C11orf65: variants seen among roughly 807,000 people sequenced by gnomAD.
C11orf65 encodes protein MFI.
A neutral mutation model predicts 35.3 loss-of-function variants in C11orf65; 38 were observed. That is an observed-to-expected ratio of 1.08 (90% CI 0.83 to 1.41). The LOEUF (loss-of-function observed/expected upper bound fraction) is 1.41. Among genes scored for constraint, C11orf65 ranks in the 40% most tolerant of loss-of-function variants. The probability of loss-of-function intolerance (pLI) is 0.00; values close to 1 mark genes in which losing one functional copy is unlikely to be tolerated. For missense variants in C11orf65, 370 were observed against 367.1 expected (o/e 1.01, Z -0.06); for synonymous variants, 105 against 114.4 (o/e 0.92, Z 0.53).
chr11:108,423,848 A>C (rs1190118520), intron 3 of C11orf65, among the ~76,000 whole-genome samples: 3 of 152,214 alleles, frequency 2.0e-5, no homozygotes, highest in Non-Finnish European at 1.5e-5. Flanking sequence ...ACAAACAGAA[A>C]GGAATAGCAT....
chr11:108,383,274 C>T (rs2091905785), intron 8 of C11orf65, 99 bp from the exon 9 acceptor site: 1 of 1,058,556 alleles, frequency 9.4e-7, no homozygotes, highest in African/African-American at 1.6e-5. Flanking sequence ...TCCTTTTCAC[C>T]ATTCTTAAAG....
chr11:108,354,361 G>A (rs538782298), intron 2 of C11orf65, among the ~76,000 whole-genome samples: 2 of 152,238 alleles, frequency 1.3e-5, no homozygotes, highest in East Asian at 3.9e-4. Flanking sequence ...GCTCATCACT[G>A]TGCATATAGA....
chr11:108,436,778 T>G (rs1292091795), intron 2 of C11orf65, among the ~76,000 whole-genome samples: 1 of 152,174 alleles, frequency 6.6e-6, no homozygotes, highest in African/African-American at 2.4e-5. Context: ...TATTGACTTT[T>G]TAATAGAAAC....
chr11:108,441,604 G>A (rs1039512126), intron 2 of C11orf65, among the ~76,000 whole-genome samples: 2 of 152,180 alleles, frequency 1.3e-5, no homozygotes, highest in Non-Finnish European at 2.9e-5. Context: ...ATACGGCCAG[G>A]TGCCCCTCTG....
At chr11:108,463,756 CAT>C (rs2093499635) in intron 1 of C11orf65, among the ~76,000 whole-genome samples, 1 of 152,056 alleles carries the variant, frequency 6.6e-6, no homozygotes, top group Non-Finnish European at 1.5e-5. Flanking sequence ...CTCAATAAAT[CAT>C]ATTATTATAA....
chr11:108,436,594 A>G (rs1490749776), intron 2 of C11orf65, among the ~76,000 whole-genome samples: 3 of 152,244 alleles, frequency 2.0e-5, no homozygotes, highest in Non-Finnish European at 4.4e-5. Context: ...GACAAGGGGT[A>G]GACTCAGCTG....
At chr11:108,419,297 C>A (rs750612703) in intron 3 of C11orf65, among the ~76,000 whole-genome samples, 1 of 152,064 alleles carries the variant, frequency 6.6e-6, no homozygotes, top group African/African-American at 2.4e-5. Context: ...ATTCTAGGAA[C>A]GCTAAGACGA....
chr11:108,331,618 A>C, intron 3 of C11orf65: 15 of 1,411,296 alleles, frequency 1.1e-5, no homozygotes, highest in Non-Finnish European at 1.4e-5. Context: ...ACTATATATT[A>C]TATAAAGTAT....
intron 2 of C11orf65, among the ~76,000 whole-genome samples, chr11:108,460,623 T>C (rs751367879): frequency 9.9e-5 from 15 of 152,208 alleles, no homozygotes; most frequent in Non-Finnish European, 8.8e-5. Flanking sequence ...GATACTTTCA[T>C]TGATAGCCAT....
intron 2 of C11orf65, among the ~76,000 whole-genome samples, chr11:108,361,951 A>G (rs1280095119): frequency 7.1e-6 from 1 of 140,916 alleles, no homozygotes; most frequent in Non-Finnish European, 1.5e-5. Context: ...GACAAATGGG[A>G]TCTAATTAAA....
intron 2 of C11orf65, among the ~76,000 whole-genome samples, chr11:108,359,745 C>T (rs1412160342): frequency 1.3e-5 from 2 of 151,906 alleles, no homozygotes; most frequent in African/African-American, 4.8e-5. Context: ...TCTTTGAAAC[C>T]AACGAGAACA....
At chr11:108,446,491 G>C (rs2093261352) in intron 2 of C11orf65, among the ~76,000 whole-genome samples, 1 of 151,696 alleles carries the variant, frequency 6.6e-6, no homozygotes, top group Admixed American at 6.6e-5. Context: ...CATTCTTAAA[G>C]AAAAGAATTT....
In C11orf65 at chr11:108,396,636, C is replaced by T. The variant is rs192503343; in HGVS notation, c.561-3258G>A. On this transcript the variant is annotated intron_variant, in intron 6 of 8. Transcript: ENST00000393084. ...CACGAGGTCAGGAGATTGAGACCAT[C>T]CTGGCTAACACAGTGAAATTCTGTC... Among the ~76,000 whole-genome samples, 1,186 of 150,978 alleles carry T rather than the reference C, an allele frequency of 7.9e-3. 9 individuals carry two copies. The highest frequency in any genetic ancestry group is 0.024 in the African/African-American group (1,010 of 41,292).
intron 2 of C11orf65, chr11:108,365,616 T>C: frequency 7.4e-7 from 1 of 1,347,806 alleles, no homozygotes; most frequent in Non-Finnish European, 1.0e-6. Context: ...TTAAGTGAAC[T>C]ATTGTGGGTT....
At chr11:108,445,170 C>A (rs1367552518) in intron 2 of C11orf65, among the ~76,000 whole-genome samples, 4 of 152,214 alleles carry the variant, frequency 2.6e-5, no homozygotes, top group Admixed American at 2.0e-4. Flanking sequence ...TAGGCTCCAC[C>A]TCTGGGGGAA....
At chr11:108,341,188 C>A (rs888262423) in intron 2 of C11orf65, among the ~76,000 whole-genome samples, 3 of 151,988 alleles carry the variant, frequency 2.0e-5, no homozygotes, top group African/African-American at 7.2e-5. Context: ...TTTGCAATTG[C>A]TTAGACACAC....
downstream of C11orf65, chr11:108,330,248 G>T (rs1591160022): frequency 6.2e-7 from 1 of 1,614,190 alleles, no homozygotes; most frequent in Non-Finnish European, 8.5e-7. Flanking sequence ...GCTGGAGTTG[G>T]ATGAATTAGC....
At chr11:108,455,210 A>C (rs1254571957) in intron 2 of C11orf65, among the ~76,000 whole-genome samples, 1 of 152,152 alleles carries the variant, frequency 6.6e-6, no homozygotes, top group Non-Finnish European at 1.5e-5. Context: ...CCTGCTTACT[A>C]CTTGTATTCA....
intron 6 of C11orf65, among the ~76,000 whole-genome samples, chr11:108,322,449 C>T (rs779286136): frequency 3.2e-4 from 48 of 152,178 alleles, no homozygotes; most frequent in Admixed American, 2.0e-3. Context: ...CCACCATGCC[C>T]GGCCCCCAAT....
Sources: gnomAD v4.1 joint callset for allele counts (sites outside exome capture counted in the v4.1 genomes callset) on GRCh38, gnomAD v4.1.1 for gene constraint, MANE v1.5 for transcripts, NCBI Gene and HGNC (gene_info 2026-07-23, HGNC 2026-07-21) for gene names.